The following EHBP1 variants were observed in gnomAD, a reference collection of about 807,000 sequenced individuals.
EHBP1 encodes EH domain-binding protein 1.
Under a neutral mutation model 144.0 loss-of-function variants are expected in EHBP1, and 55 were observed. The observed-to-expected ratio is 0.38, with a 90% CI of 0.31 to 0.48. The LOEUF (loss-of-function observed/expected upper bound fraction) is 0.48. Ranked by LOEUF, EHBP1 falls within the 20% of genes least tolerant of loss-of-function variation. The pLI, the probability that EHBP1 is intolerant of heterozygous loss-of-function variation, is 0.98. For synonymous variants in EHBP1, 469 were observed against 472.7 expected, an observed-to-expected ratio of 0.99 and a Z score of 0.10; for missense variants, 1,200 against 1,364.2, an observed-to-expected ratio of 0.88 and a Z score of 1.90.
intron 15 of EHBP1, among the ~76,000 whole-genome samples, chr2:62,983,837 C>T (rs543741205): frequency 2.2e-3 from 341 of 152,334 alleles, no homozygotes; most frequent in African/African-American, 7.8e-3. Context: ...CCACTGCGCC[C>T]GGCCTTTGCC....
At chr2:62,757,098 T>C (rs2040355686) in intron 3 of EHBP1, among the ~76,000 whole-genome samples, 1 of 152,138 alleles carries the variant, frequency 6.6e-6, no homozygotes. Context: ...TGAACTCACA[T>C]AGGAGGAACA....
chr2:62,681,361 A>ATATATATATATATATATATAG (rs2033519955), intron 1 of EHBP1, among the ~76,000 whole-genome samples: 1 of 14,530 alleles, frequency 6.9e-5, no homozygotes, highest in Non-Finnish European at 1.2e-4. Context: ...TATATATATA[A>ATATATATATATATATATATAG]TGTGTATATA....
chr2:62,938,033 A>C (rs1246936390), intron 10 of EHBP1, among the ~76,000 whole-genome samples: 1 of 152,170 alleles, frequency 6.6e-6, no homozygotes, highest in Non-Finnish European at 1.5e-5. Flanking sequence ...CTGCCTGCAA[A>C]ATTAACTAGT....
chr2:62,976,328 A>G (rs1219806294), intron 14 of EHBP1, among the ~76,000 whole-genome samples: 4 of 151,620 alleles, frequency 2.6e-5, no homozygotes, highest in Admixed American at 6.6e-5. Context: ...GAAATTTGTG[A>G]AAAAAAAATT....
At chr2:62,803,964 A>G (rs1326253106) in intron 5 of EHBP1, among the ~76,000 whole-genome samples, 4 of 152,188 alleles carry the variant, frequency 2.6e-5, no homozygotes, top group Admixed American at 1.3e-4. Flanking sequence ...TAGTAATACT[A>G]TCTACTTCCT....
chr2:62,837,847 T>C (rs1344623064), intron 7 of EHBP1, among the ~76,000 whole-genome samples: 1 of 151,460 alleles, frequency 6.6e-6, no homozygotes, highest in Non-Finnish European at 1.5e-5. Flanking sequence ...AAGCAAGTCC[T>C]GAGTGACCTA....
intron 5 of EHBP1, among the ~76,000 whole-genome samples, chr2:62,814,013 T>A (rs2152542882): frequency 6.6e-6 from 1 of 152,286 alleles, no homozygotes; most frequent in Admixed American, 6.5e-5. Context: ...GTTAAGACTT[T>A]GGGGTTATTG....
intron 15 of EHBP1, among the ~76,000 whole-genome samples, chr2:62,989,199 A>AT (rs201553931): frequency 2.0e-5 from 3 of 151,706 alleles, no homozygotes; most frequent in Admixed American, 6.6e-5. Context: ...GTTAGGTTTG[A>AT]TTTTTTTTTA....
At chr2:62,731,697 A>C (rs1351183117) in intron 2 of EHBP1, among the ~76,000 whole-genome samples, 1 of 152,174 alleles carries the variant, frequency 6.6e-6, no homozygotes. Flanking sequence ...ATGGATTACA[A>C]TGATTTTTAT....
At chr2:62,873,844 A>G (rs1258293231) in intron 9 of EHBP1, among the ~76,000 whole-genome samples, 2 of 152,204 alleles carry the variant, frequency 1.3e-5, no homozygotes, top group African/African-American at 4.8e-5. Context: ...TAAGGCTGAA[A>G]TAAAGACATT....
At chr2:62,859,430 A>G (rs1355417661) in intron 8 of EHBP1, 139 bp downstream of exon 8, 2 of 775,958 alleles carry the variant, frequency 2.6e-6, no homozygotes, top group Non-Finnish European at 3.7e-6. Context: ...GTTCAATACC[A>G]CTTGGAGTTG....
intron 2 of EHBP1, among the ~76,000 whole-genome samples, chr2:62,722,154 G>C (rs1208297605): frequency 2.6e-5 from 4 of 151,178 alleles, no homozygotes; most frequent in African/African-American, 9.7e-5. Flanking sequence ...TTTTGAGACA[G>C]AGTCTCACTC....
intron 6 of EHBP1, among the ~76,000 whole-genome samples, chr2:62,830,541 T>C (rs915520670): frequency 5.9e-5 from 9 of 152,206 alleles, no homozygotes; most frequent in Admixed American, 3.3e-4. Flanking sequence ...AGATTTTGGG[T>C]ATTAGTCCTT....
Position 62,692,226 on chromosome 2 carries a change from C to T in EHBP1, c.-295-14671C>T, listed in dbSNP as rs552968309. On this transcript the variant is annotated intron_variant, in intron 1 of 22. Transcript: ENST00000405015. ...ATCAATGCTTCATTCATTTTTATTG[C>T]TGAAAAATATTCCATTGTATGATAA... Among the ~76,000 whole-genome samples, 3 of 152,256 alleles carry T rather than the reference C, an allele frequency of 2.0e-5. No homozygotes were observed. In the South Asian group the frequency reaches 6.2e-4, roughly 32 times the overall value.
At chr2:62,934,601 A>G (rs1414476384) in intron 10 of EHBP1, among the ~76,000 whole-genome samples, 3 of 152,222 alleles carry the variant, frequency 2.0e-5, no homozygotes, top group Non-Finnish European at 4.4e-5. Flanking sequence ...TGTCAGTTCT[A>G]AGGTGAAAGA....
intron 21 of EHBP1, among the ~76,000 whole-genome samples, chr2:63,039,975 A>G (rs935100523): frequency 6.6e-6 from 1 of 152,050 alleles, no homozygotes; most frequent in African/African-American, 2.4e-5. Flanking sequence ...TGACTATAAA[A>G]TTTGTCAAAA....
At chr2:62,709,481 A>T (rs1200806841) in intron 2 of EHBP1, among the ~76,000 whole-genome samples, 1 of 152,174 alleles carries the variant, frequency 6.6e-6, no homozygotes, top group Non-Finnish European at 1.5e-5. Context: ...TTAGAAAATC[A>T]GTTTCTTCCT....
At chr2:62,800,785 A>G (rs549573992) in intron 5 of EHBP1, among the ~76,000 whole-genome samples, 1 of 152,326 alleles carries the variant, frequency 6.6e-6, no homozygotes, top group South Asian at 2.1e-4. Flanking sequence ...AATGTATTAC[A>G]ACCTGTTCTT....
rs116261058 is a variant in EHBP1 at position 62,788,219 on chromosome 2, T to C, written c.312+16827T>C. On this transcript the variant is annotated intron_variant, in intron 5 of 22. Coordinates refer to ENST00000431489, the MANE Select transcript of EHBP1 (RefSeq NM_001142616.3). ...AAATATGCTAGCTGATGAAATGTTA[T>C]ATATTTAAAGGTTTATGTGGTCTTT... is the stretch of plus-strand genomic sequence containing the variant. Among the ~76,000 whole-genome samples the C allele has an allele frequency of 3.5e-3, 535 of 152,302 alleles. 1 individual carries two copies. Among genetic ancestry groups the C allele is most frequent in the African/African-American group, 0.012 (500 of 41,574 alleles).
Sources: allele counts gnomAD v4.1 joint callset (sites outside exome capture counted in the v4.1 genomes callset), GRCh38; gene constraint gnomAD v4.1.1; transcripts MANE v1.5; gene names NCBI Gene and HGNC (gene_info 2026-07-23, HGNC 2026-07-21).